The following GMPS variants were observed in gnomAD, a reference collection of about 807,000 sequenced individuals.
The protein encoded by GMPS is GMP synthase [glutamine-hydrolyzing].
Under a neutral mutation model 77.9 loss-of-function variants are expected in GMPS, and 15 were observed. The observed-to-expected ratio is 0.19, with a 90% confidence interval of 0.13 to 0.30. The LOEUF is 0.30. Ranked by LOEUF, GMPS falls within the 10% of genes least tolerant of loss-of-function variation. The pLI is 1.00. For synonymous variants in GMPS, 224 were observed against 275.9 expected (o/e 0.81, Z 1.86); for missense variants, 590 against 838.8 (o/e 0.70, Z 3.66).
rs539909684 is a variant in GMPS, at chr3:155,930,741, G to GT, written c.1561-1019dup. ...GTTGATAAGTAAATGTTTATGAATT[G>GT]TTTTTGTCTCCCACTTAAGAATTCT... On this transcript the variant is annotated intron_variant, in intron 12 of 15. Transcript: ENST00000496455. 2.6e-3 allele frequency among the ~76,000 whole-genome samples: 397 copies of GT among 152,304 alleles called. 1 individual carries two copies. Among genetic ancestry groups the GT allele is most frequent in the Middle Eastern group, 0.014 (4 of 294 alleles).
At chr3:155,904,378 C>T (rs1305517284) in intron 4 of GMPS, among the ~76,000 whole-genome samples, 2 of 151,968 alleles carry the variant, frequency 1.3e-5, no homozygotes, top group Non-Finnish European at 2.9e-5. Context: ...CAACGTCCGC[C>T]TCCTGGGTTC....
At chr3:155,931,742 A>G (rs371644188) in intron 12 of GMPS, 23 bp from the exon 13 acceptor site, 17 of 959,650 alleles carry the variant, frequency 1.8e-5, no homozygotes, top group Non-Finnish European at 2.5e-5. Flanking sequence ...ATTAAAAATT[A>G]TTGATTATCT....
At chr3:155,877,759 T>A (rs1054880844) in intron 1 of GMPS, among the ~76,000 whole-genome samples, 3 of 151,084 alleles carry the variant, frequency 2.0e-5, no homozygotes, top group African/African-American at 4.9e-5. Flanking sequence ...ACTTCCTGGG[T>A]CATAGAAGTG....
chr3:155,875,211 C>T (rs754200272), intron 1 of GMPS, among the ~76,000 whole-genome samples: 39 of 151,340 alleles, frequency 2.6e-4, no homozygotes, highest in Non-Finnish European at 5.2e-4. Flanking sequence ...AACCACTGTG[C>T]CTGGCCTTAA....
Position 155,942,662 on chromosome 3 carries a change from T to C in GMPS, c.*4970T>C, listed in dbSNP as rs1755920446. The stretch of plus-strand genomic sequence containing the variant: ...ACAGCTGACATACTTGTTGCTAATT[T>C]TGAGATCTGGGCAACAACTGTGTAG... On this transcript the variant is annotated 3_prime_UTR_variant, in exon 16 of 16. Coordinates refer to ENST00000496455, the MANE Select transcript of GMPS (RefSeq NM_003875.3). The C allele has an allele frequency of 4.4e-6, 1 of 229,164 alleles. No homozygotes were observed. The highest frequency in any genetic ancestry group is 8.7e-6 in the Non-Finnish European group (1 of 115,552). 14.2% of individuals were successfully genotyped at this position (229,164 alleles called of 1,614,324 possible). A position where few individuals can be genotyped will look rare whatever the true frequency, so the allele number is the denominator to read the frequency against.
intron 1 of GMPS, among the ~76,000 whole-genome samples, chr3:155,875,317 G>A (rs1433932269): frequency 6.6e-6 from 1 of 152,062 alleles, no homozygotes; most frequent in Non-Finnish European, 1.5e-5. Flanking sequence ...TGCAACCTCC[G>A]CCTCCCAGGC....
chr3:155,931,577 C>T (rs1342298695), intron 12 of GMPS, among the ~76,000 whole-genome samples, 188 bp from the exon 13 acceptor site: 1 of 151,394 alleles, frequency 6.6e-6, no homozygotes, highest in Non-Finnish European at 1.5e-5. Context: ...TTTATTTATA[C>T]CATTAAAGAA....
chr3:155,887,551 A>G (rs896725267), intron 1 of GMPS, among the ~76,000 whole-genome samples: 1 of 152,220 alleles, frequency 6.6e-6, no homozygotes, highest in African/African-American at 2.4e-5. Context: ...TGAATAGTTG[A>G]AGGAGACAAT....
rs191591446 is a variant in GMPS, at chr3:155,934,762, C to T, written c.1677-154C>T. ...CTATAATCTTATATCTTGTCCTATC[C>T]ATCTGGGGAGTTGAAGTGGGCAGGA... is the stretch of plus-strand genomic sequence containing the variant. On this transcript the variant is annotated intron_variant, in intron 13 of 15. Transcript: ENST00000496455. Among the ~76,000 whole-genome samples the T allele has an allele frequency of 1.6e-4, 24 of 152,282 alleles. No individual in the cohort carries two copies. In the East Asian group the frequency reaches 3.7e-3, roughly 23 times the overall value.
chr3:155,936,485 C>G lies in GMPS; in HGVS notation c.1955C>G (p.Thr652Arg). ...GACTTCATGACTGGTATACCTGCAA[C>G]ACCTGGCAATGAGATCCCTGTAGAG... Reference protein sequence around the residue: ...TSDFMTGIPATPGNEIPVEVV... With the variant: ...TSDFMTGIPARPGNEIPVEVV... Residue 652 changes from threonine to arginine, a missense_variant, in exon 15 of 16, where the codon ACA becomes AGA. By Grantham distance (71) the Thr-to-Arg change is moderately conservative. Transcript: ENST00000496455. 6.2e-7 allele frequency: 1 copy of G among 1,605,178 alleles called. No individual in the cohort carries two copies. Among genetic ancestry groups the G allele is most frequent in the Non-Finnish European group, 8.5e-7 (1 of 1,171,924 alleles).
In GMPS at chr3:155,941,559, A is replaced by T. The variant is rs1476854891; in HGVS notation, c.*3867A>T. 1 of 220,756 alleles carries T rather than the reference A, an allele frequency of 4.5e-6. No homozygotes were observed. Among genetic ancestry groups the T allele is most frequent in the Non-Finnish European group, 9.1e-6 (1 of 110,300 alleles). 13.7% of individuals were successfully genotyped at this position (220,756 alleles called of 1,614,324 possible). On this transcript the variant is annotated 3_prime_UTR_variant, in exon 16 of 16. Transcript: ENST00000496455. Reference sequence around the variant, plus strand: ...CATCTGCTTGCGCAATGTTATAACCACTTTCCCACACTACTCCCCTCCAGA... The same window carrying T: ...CATCTGCTTGCGCAATGTTATAACCTCTTTCCCACACTACTCCCCTCCAGA...
chr3:155,927,024 A>AG (rs1350119978), intron 12 of GMPS, among the ~76,000 whole-genome samples: 1 of 152,016 alleles, frequency 6.6e-6, no homozygotes, highest in Non-Finnish European at 1.5e-5. Flanking sequence ...TAAAAAAAAA[A>AG]AAAAATTGAT....
At chr3:155,918,847 A>ACAG (rs1294301320) in intron 9 of GMPS, among the ~76,000 whole-genome samples, 1 of 152,164 alleles carries the variant, frequency 6.6e-6, no homozygotes, top group Non-Finnish European at 1.5e-5. Flanking sequence ...TACGACTTGC[A>ACAG]AATGTCTTCT....
At chr3:155,921,317 G>A (rs1256558614) in intron 10 of GMPS, among the ~76,000 whole-genome samples, 1 of 152,136 alleles carries the variant, frequency 6.6e-6, no homozygotes, top group Non-Finnish European at 1.5e-5. Flanking sequence ...ATTAGATTAT[G>A]TGTATATTTT....
chr3:155,941,516 C>G lies in GMPS; in HGVS notation c.*3824C>G, dbSNP rs2108161906. On this transcript the variant is annotated 3_prime_UTR_variant, in exon 16 of 16. Coordinates refer to ENST00000496455, the MANE Select transcript of GMPS (RefSeq NM_003875.3). ...AGTGAGTTTCTAGAGATAGCCCTGT[C>G]TTTCAGAAATTCTCTGACATCTGCT... 4.6e-6 allele frequency: 1 copy of G among 217,202 alleles called. No homozygotes were observed. Among genetic ancestry groups the G allele is most frequent in the Non-Finnish European group, 9.3e-6 (1 of 108,026 alleles). The allele number at this position is 217,202 out of a possible 1,614,324, so 13.5% of individuals were successfully genotyped here.
At chr3:155,892,226 A>G (rs908670374) in intron 1 of GMPS, among the ~76,000 whole-genome samples, 1 of 152,168 alleles carries the variant, frequency 6.6e-6, no homozygotes, top group Non-Finnish European at 1.5e-5. Context: ...CCTTTTTTAT[A>G]CATGCATACA....
intron 1 of GMPS, among the ~76,000 whole-genome samples, chr3:155,872,730 G>A (rs1021489697): frequency 2.0e-5 from 3 of 151,962 alleles, no homozygotes; most frequent in South Asian, 2.1e-4. Context: ...TTTATTTCAA[G>A]GTTCTTTATG....
chr3:155,943,352 A>G lies in GMPS; in HGVS notation c.*5660A>G, dbSNP rs1406677421. The G allele has an allele frequency of 1.1e-5, 2 of 181,346 alleles. No individual in the cohort carries two copies. Among genetic ancestry groups the G allele is most frequent in the Admixed American group, 6.3e-5 (1 of 15,948 alleles). The allele number at this position is 181,346 out of a possible 1,614,324, so 11.2% of individuals were successfully genotyped here. On this transcript the variant is annotated 3_prime_UTR_variant, in exon 16 of 16. Transcript: ENST00000496455. Reference sequence around the variant, plus strand: ...AATTTGGCTATTGAGTATATTAAGTACAACTACAAAATCCTCTGAGTTCTC... The same window carrying G: ...AATTTGGCTATTGAGTATATTAAGTGCAACTACAAAATCCTCTGAGTTCTC...
chr3:155,896,053 A>G (rs1392295609), intron 2 of GMPS, among the ~76,000 whole-genome samples: 3 of 150,368 alleles, frequency 2.0e-5, no homozygotes, highest in Non-Finnish European at 4.4e-5. Flanking sequence ...TCTGTCACCC[A>G]GGCTGGAGTG....
Sources: gnomAD v4.1 joint callset for allele counts (sites outside exome capture counted in the v4.1 genomes callset) on GRCh38, gnomAD v4.1.1 for gene constraint, MANE v1.5 for transcripts, NCBI Gene and HGNC (gene_info 2026-07-23, HGNC 2026-07-21) for gene names.